ZNF721: variants seen among roughly 807,000 people sequenced by gnomAD.
The protein encoded by ZNF721 is zinc finger protein 721.
In ZNF721, 2 loss-of-function variants were observed where a neutral mutation model predicts 2.4. That is an observed-to-expected ratio of 0.82 (90% confidence interval 0.34 to 2.58). ZNF721 has a LOEUF of 2.58. Ranked by LOEUF, ZNF721 falls within the 30% of genes most tolerant of loss-of-function variation. The pLI is 0.11. For synonymous variants in ZNF721, 398 were observed against 381.8 expected (o/e 1.04, Z -0.50); for missense variants, 1,187 against 1,085.5 (o/e 1.09, Z -1.31).
intron 1 of ZNF721, among the ~76,000 whole-genome samples, chr4:488,145 C>T (rs1180160832): frequency 2.0e-5 from 3 of 152,224 alleles, no homozygotes; most frequent in African/African-American, 7.2e-5. Context: ...GGCCCACACC[C>T]ACCCTGTGGA....
chr4:498,770 G>A (rs1222858617), intron 1 of ZNF721, among the ~76,000 whole-genome samples: 2 of 147,134 alleles, frequency 1.4e-5, no homozygotes, highest in Non-Finnish European at 3.0e-5. Flanking sequence ...CTGTTGCCAG[G>A]CAGAAGTGCA....
intron 2 of ZNF721, among the ~76,000 whole-genome samples, chr4:466,773 A>G (rs1295774042): frequency 1.3e-5 from 2 of 152,204 alleles, no homozygotes; most frequent in African/African-American, 4.8e-5. Context: ...CCAACCATAT[A>G]ATCCAGTCAC....
intron 1 of ZNF721, among the ~76,000 whole-genome samples, chr4:475,139 A>C (rs1553868436): frequency 6.6e-6 from 1 of 151,884 alleles, no homozygotes; most frequent in Non-Finnish European, 1.5e-5. Flanking sequence ...GTTAGTTGAG[A>C]TGGCGTCACT....
intron 1 of ZNF721, among the ~76,000 whole-genome samples, chr4:489,403 C>T (rs1234077691): frequency 6.6e-6 from 1 of 152,212 alleles, no homozygotes; most frequent in African/African-American, 2.4e-5. Flanking sequence ...CTCTGCTTTA[C>T]TCACTCTCTG....
chr4:471,357 T>C (rs1262598926), intron 2 of ZNF721, among the ~76,000 whole-genome samples: 2 of 152,212 alleles, frequency 1.3e-5, no homozygotes, highest in African/African-American at 2.4e-5. Context: ...ATATACACAG[T>C]AGAATATTAT....
chr4:495,568 A>C (rs1553872106), intron 1 of ZNF721, among the ~76,000 whole-genome samples: 1 of 151,768 alleles, frequency 6.6e-6, no homozygotes, highest in Non-Finnish European at 1.5e-5. Flanking sequence ...AGGAAAAATA[A>C]TCTTTGTGTG....
chr4:454,166 T>C (rs1714763534), intron 2 of ZNF721: 1 of 152,198 alleles, frequency 6.6e-6, no homozygotes, highest in South Asian at 2.1e-4. Flanking sequence ...GGGGGGGCCC[T>C]CTGGATATGT....
intron 1 of ZNF721, among the ~76,000 whole-genome samples, chr4:496,634 A>C (rs1438672858): frequency 6.6e-6 from 1 of 151,472 alleles, no homozygotes; most frequent in Non-Finnish European, 1.5e-5. Flanking sequence ...CACAAAAAAA[A>C]CCCCAACAAG....
chr4:456,833 T>A (rs1714864947), intron 2 of ZNF721, among the ~76,000 whole-genome samples: 1 of 152,182 alleles, frequency 6.6e-6, no homozygotes, highest in Admixed American at 6.5e-5. Flanking sequence ...GAGCCGAGAC[T>A]GTGCCACTGC....
chr4:485,953 G>A (rs782228177), intron 1 of ZNF721, among the ~76,000 whole-genome samples: 2 of 151,958 alleles, frequency 1.3e-5, no homozygotes, highest in African/African-American at 4.8e-5. Context: ...CCAGCCTGGC[G>A]ACAGAGCGAG....
intron 2 of ZNF721, among the ~76,000 whole-genome samples, chr4:452,795 A>G (rs1714714465): frequency 6.6e-6 from 1 of 152,234 alleles, no homozygotes; most frequent in South Asian, 2.1e-4. Context: ...CTCTGCTTCA[A>G]CCATGAGGTC....
chr4:450,978 T>A (rs1244590684), intron 2 of ZNF721, among the ~76,000 whole-genome samples: 23 of 120,470 alleles, frequency 1.9e-4, no homozygotes, highest in Admixed American at 7.8e-4. Flanking sequence ...TATATATATA[T>A]ATATATATAT....
intron 1 of ZNF721, among the ~76,000 whole-genome samples, chr4:496,135 T>C (rs1163816296): frequency 7.1e-6 from 1 of 141,216 alleles, no homozygotes; most frequent in East Asian, 2.0e-4. Context: ...CCCCCAACCA[T>C]ACCGCCTTTT....
rs576022677 is a variant in ZNF721 at position 478,862 on chromosome 4, C to T, written c.-93-6161G>A. 2.6e-5 allele frequency among the ~76,000 whole-genome samples: 4 copies of T among 151,782 alleles called. 1 individual carries two copies. The South Asian group carries it at 8.3e-4, about 32-fold the overall frequency. On this transcript the variant is annotated intron_variant, in intron 1 of 2. Transcript: ENST00000511833. ...TCAGCTCGCTGCAACCTCTGCCTCC[C>T]GGGTTCAAGCGATTCTCCTGCCTCA...
In ZNF721 at chr4:442,392, G is replaced by A; in HGVS notation, c.2075C>T (p.Thr692Ile). ...IALNQHKKIH[T>I]GEKPYKCEEC... is the part of the protein sequence containing the mutation. Reference sequence around the variant, plus strand: ...TTCACATTTGTAAGGTTTTTCTCCAGTATGAATTTTCTTGTGTTGATTCAG... The same window carrying A: ...TTCACATTTGTAAGGTTTTTCTCCAATATGAATTTTCTTGTGTTGATTCAG... The change falls in exon 3 of 3, where the codon ACT becomes ATT. Residue 692 changes from threonine to isoleucine, a missense_variant. By Grantham distance (89) the Thr-to-Ile change is moderately conservative. Transcript: ENST00000511833. 6.2e-7 allele frequency: 1 copy of A among 1,613,904 alleles called. No homozygotes were observed. Among genetic ancestry groups the A allele is most frequent in the Non-Finnish European group, 8.5e-7 (1 of 1,179,890 alleles).
chr4:488,052 A>G (rs1208182832), intron 1 of ZNF721, among the ~76,000 whole-genome samples: 2 of 152,144 alleles, frequency 1.3e-5, no homozygotes, highest in Admixed American at 1.3e-4. Context: ...CTTCATTCAG[A>G]TAAGGGGTAG....
intron 2 of ZNF721, among the ~76,000 whole-genome samples, chr4:470,932 G>A (rs917403068): frequency 4.6e-5 from 7 of 151,760 alleles, no homozygotes; most frequent in South Asian, 4.2e-4. Context: ...CCCAGGAGGC[G>A]GAGTTAGCAG....
chr4:496,960 C>A (rs1286738678), intron 1 of ZNF721, among the ~76,000 whole-genome samples: 2 of 151,970 alleles, frequency 1.3e-5, no homozygotes, highest in African/African-American at 4.8e-5. Flanking sequence ...GATCCGCCCA[C>A]CTCGGCCTCC....
At chr4:460,538 G>C (rs1309611242) in intron 2 of ZNF721, among the ~76,000 whole-genome samples, 1 of 151,094 alleles carries the variant, frequency 6.6e-6, no homozygotes, top group African/African-American at 2.4e-5. Context: ...TAGAGAAGCA[G>C]GTGCAAACAA....
Sources: allele counts gnomAD v4.1 joint callset (sites outside exome capture counted in the v4.1 genomes callset), GRCh38; gene constraint gnomAD v4.1.1; transcripts MANE v1.5; gene names NCBI Gene and HGNC (gene_info 2026-07-23, HGNC 2026-07-21).